MBTD1: variants seen among roughly 807,000 people sequenced by gnomAD.
MBTD1 encodes the protein mbt domain containing 1, also known as MBT domain-containing protein 1.
Under a neutral mutation model 87.8 loss-of-function variants are expected in MBTD1, and 24 were observed. The ratio of observed to expected loss-of-function variants is 0.27; its 90% CI spans 0.20 to 0.38. The LOEUF is 0.38. MBTD1 is among the 10% of genes least tolerant of loss of function. MBTD1 has a pLI of 1.00. For synonymous variants in MBTD1, 237 were observed against 248.6 expected (o/e 0.95, Z 0.44); for missense variants, 436 against 760.2 (o/e 0.57, Z 5.02).
intron 2 of MBTD1, chr17:51,250,069 CT>C (rs1002333437): frequency 0.062 from 8,654 of 138,760 alleles, 273 homozygotes; most frequent in Non-Finnish European, 0.096. Flanking sequence ...TAATTAAACA[CT>C]TTTTTTTTTT....
chr17:51,259,777 G>A, intron 1 of MBTD1, 58 bp downstream of exon 1: 1 of 1,231,504 alleles, frequency 8.1e-7, no homozygotes. Context: ...TGGGGTCGGA[G>A]AGCTGCAGGC....
chr17:51,195,145 G>A, intron 13 of MBTD1, 69 bp downstream of exon 13: 2 of 1,436,034 alleles, frequency 1.4e-6, no homozygotes, highest in Non-Finnish European at 1.9e-6. Context: ...TGTGTTAAAT[G>A]TTGTAAACAA....
At chr17:51,203,475 C>T (rs562488825) in intron 8 of MBTD1, among the ~76,000 whole-genome samples, 156 of 152,026 alleles carry the variant, frequency 1.0e-3, no homozygotes, top group Non-Finnish European at 2.0e-3. Context: ...AGTGCAGTGG[C>T]GTGATCTTGG....
intron 16 of MBTD1, among the ~76,000 whole-genome samples, chr17:51,182,839 A>G (rs899515355): frequency 6.6e-6 from 1 of 152,264 alleles, no homozygotes; most frequent in African/African-American, 2.4e-5. Context: ...GAGTATCTGG[A>G]TAGGTAGTAT....
At chr17:51,221,954 A>G (rs1161148286) in intron 3 of MBTD1, among the ~76,000 whole-genome samples, 1 of 152,232 alleles carries the variant, frequency 6.6e-6, no homozygotes, top group Non-Finnish European at 1.5e-5. Flanking sequence ...TAAAAATGCC[A>G]GAAGATTGCA....
intron 16 of MBTD1, among the ~76,000 whole-genome samples, chr17:51,181,704 G>T (rs774220612): frequency 6.6e-6 from 1 of 152,216 alleles, no homozygotes; most frequent in African/African-American, 2.4e-5. Context: ...TGAGCCGAGT[G>T]TGGTGGCTAA....
At chr17:51,236,229 T>A (rs1388374797) in intron 2 of MBTD1, among the ~76,000 whole-genome samples, 1 of 152,112 alleles carries the variant, frequency 6.6e-6, no homozygotes, top group African/African-American at 2.4e-5. Context: ...TTGTTCACAC[T>A]ATGTAATGAC....
chr17:51,182,769 G>A lies in MBTD1; in HGVS notation c.1769-2075C>T, dbSNP rs1301033115. Among the ~76,000 whole-genome samples, 4 of 152,302 alleles carry A rather than the reference G, an allele frequency of 2.6e-5. No individual in the cohort carries two copies. The East Asian group carries it at 7.7e-4, about 29-fold the overall frequency. The stretch of plus-strand genomic sequence containing the variant: ...TGGAGAGGATACACATATATGGGGT[G>A]TAAATTGGAAACTGCTCATACAGAG... On this transcript the variant is annotated intron_variant, in intron 16 of 16. Transcript: ENST00000586178.
At chr17:51,209,432 T>C (rs2052040472) in intron 6 of MBTD1, 1 of 471,088 alleles carries the variant, frequency 2.1e-6, no homozygotes, top group Admixed American at 2.3e-5. Flanking sequence ...TCTCCTTCCC[T>C]GCAAGGTAAG....
intron 2 of MBTD1, among the ~76,000 whole-genome samples, chr17:51,254,816 T>A (rs2054989575): frequency 6.6e-6 from 1 of 152,186 alleles, no homozygotes; most frequent in African/African-American, 2.4e-5. Context: ...GGAAAGCTAA[T>A]TAAAAATAAG....
chr17:51,191,260 CTTTTT>C (rs10545166), intron 16 of MBTD1, among the ~76,000 whole-genome samples: 31 of 136,610 alleles, frequency 2.3e-4, no homozygotes, highest in African/African-American at 7.5e-4. Context: ...GAAAGAATTT[CTTTTT>C]TTTTTTTTTT....
Position 51,258,503 on chromosome 17 carries a change from C to T in MBTD1, c.-49+640G>A, listed in dbSNP as rs182758135. Among the ~76,000 whole-genome samples the T allele has an allele frequency of 1.4e-3, 158 of 111,866 alleles. 1 individual carries two copies. Among genetic ancestry groups the T allele is most frequent in the African/African-American group, 4.8e-3 (152 of 31,548 alleles). 73.4% of individuals were successfully genotyped at this position (111,866 alleles called of 152,430 possible). A position where few individuals can be genotyped will look rare whatever the true frequency, so the allele number is the denominator to read the frequency against. Reference sequence around the variant, plus strand: ...TTTCAAATCTCATAAAAGATAGTTACTTAAAAAAAAAAAAGAAGGAGTAAA... The same window carrying T: ...TTTCAAATCTCATAAAAGATAGTTATTTAAAAAAAAAAAAGAAGGAGTAAA... On this transcript the variant is annotated intron_variant, in intron 2 of 16. Coordinates refer to ENST00000586178, the MANE Select transcript of MBTD1 (RefSeq NM_017643.3).
intron 1 of MBTD1, among the ~76,000 whole-genome samples, chr17:51,259,413 C>T (rs62060087): frequency 3.3e-5 from 5 of 151,952 alleles, no homozygotes; most frequent in African/African-American, 1.2e-4. Context: ...GGCAGATAGA[C>T]ACCTTCCCCT....
At chr17:51,189,522 C>T (rs2050701428) in intron 16 of MBTD1, among the ~76,000 whole-genome samples, 1 of 152,112 alleles carries the variant, frequency 6.6e-6, no homozygotes, top group African/African-American at 2.4e-5. Flanking sequence ...TCCATGTTCC[C>T]AGCCCATTAA....
chr17:51,195,262 G>C lies in MBTD1; in HGVS notation c.1324C>G (p.Pro442Ala). Residue 442 changes from proline (P) to alanine (A), a missense_variant, in exon 13 of 17, where the codon CCT (proline) becomes GCT (alanine). Around this residue, in one of 5 missense-constraint regions of MBTD1, gnomAD observed 268 missense variants for 401.8 expected, o/e 0.67. Transcript: ENST00000586178. Reference sequence around the variant, plus strand: ...ATGTTAATTTCACAGAAACCGACAGGGAAAATAGAAGGAGAGGTTGCATGG... The same window carrying C: ...ATGTTAATTTCACAGAAACCGACAGCGAAAATAGAAGGAGAGGTTGCATGG... ...CYHATSPSIF[P>A]VGFCEINMIE... is the part of the protein sequence containing the mutation. 6.2e-7 allele frequency: 1 copy of C among 1,613,232 alleles called. No homozygotes were observed. The highest frequency in any genetic ancestry group is 8.5e-7 in the Non-Finnish European group (1 of 1,179,576).
At chr17:51,188,600 CTTAT>C (rs999332353) in intron 16 of MBTD1, among the ~76,000 whole-genome samples, 4 of 152,120 alleles carry the variant, frequency 2.6e-5, no homozygotes, top group Non-Finnish European at 5.9e-5. Flanking sequence ...ACCCCAAATA[CTTAT>C]TTGTGTAACT....
intron 13 of MBTD1, among the ~76,000 whole-genome samples, chr17:51,193,829 CG>C (rs1568155163): frequency 6.6e-6 from 1 of 152,138 alleles, no homozygotes. Flanking sequence ...CTATGTTGCC[CG>C]GGTTGTTCTC....
chr17:51,218,359 T>C (rs1250298379), intron 5 of MBTD1, among the ~76,000 whole-genome samples: 1 of 151,918 alleles, frequency 6.6e-6, no homozygotes, highest in African/African-American at 2.4e-5. Flanking sequence ...TGAAACCCTA[T>C]CTCTACTAAA....
chr17:51,217,480 ATT>A, intron 5 of MBTD1, 64 bp from the exon 6 acceptor site: 4 of 758,856 alleles, frequency 5.3e-6, no homozygotes, highest in Non-Finnish European at 8.4e-6. Context: ...GAAGGTTATC[ATT>A]GTTAAAATGT....
Sources: allele counts gnomAD v4.1 joint callset (sites outside exome capture counted in the v4.1 genomes callset), GRCh38; gene constraint gnomAD v4.1.1; regional missense constraint gnomAD v4.1.1; transcripts MANE v1.5; gene names NCBI Gene and HGNC (gene_info 2026-07-23, HGNC 2026-07-21).